Variants in CCDC77 observed in about 807,000 individuals in gnomAD.
CCDC77 encodes the protein coiled-coil domain-containing protein 77.
CCDC77 carries 56 observed loss-of-function variants against 66.8 expected under a neutral mutation model. That is an observed-to-expected ratio of 0.84 (90% confidence interval 0.68 to 1.05). The LOEUF is 1.05. CCDC77 is among the 50% of genes least tolerant of loss of function. CCDC77 has a pLI of 0.00. For missense variants in CCDC77, 570 were observed against 576.8 expected, an observed-to-expected ratio of 0.99 and a Z score of 0.12; for synonymous variants, 196 against 195.2, an observed-to-expected ratio of 1.00 and a Z score of -0.03.
At chr12:396,578 C>T (rs1944830954) in intron 1 of CCDC77, among the ~76,000 whole-genome samples, 1 of 152,150 alleles carries the variant, frequency 6.6e-6, no homozygotes, top group Non-Finnish European at 1.5e-5. Flanking sequence ...AATTGCCTGG[C>T]ACCAATCCCT....
intron 2 of CCDC77, among the ~76,000 whole-genome samples, chr12:408,683 G>A (rs962951133): frequency 4.6e-5 from 7 of 152,064 alleles, no homozygotes; most frequent in African/African-American, 1.7e-4. Flanking sequence ...ACTGTTTCTT[G>A]CTTATTAGAG....
intron 9 of CCDC77, among the ~76,000 whole-genome samples, chr12:437,405 A>G (rs1727418326): frequency 6.6e-6 from 1 of 152,228 alleles, no homozygotes; most frequent in Admixed American, 6.5e-5. Flanking sequence ...GAAAAAGTGC[A>G]TGTTGACAGT....
At chr12:433,678 T>G (rs182390194) in intron 9 of CCDC77, among the ~76,000 whole-genome samples, 14 of 152,132 alleles carry the variant, frequency 9.2e-5, no homozygotes, top group Admixed American at 2.0e-4. Flanking sequence ...TGTTCTTTTA[T>G]CCACTGATAT....
In CCDC77 at chr12:428,855, C is replaced by T. The variant is rs1313543324; in HGVS notation, c.500C>T (p.Pro167Leu). The T allele has an allele frequency of 6.2e-7, 1 of 1,606,138 alleles. No individual in the cohort carries two copies. The highest frequency in any genetic ancestry group is 1.7e-5 in the Admixed American group (1 of 59,704). Residue 167 changes from proline (P) to leucine (L), a missense_variant, in exon 6 of 13, where the codon CCT (proline) becomes CTT (leucine). Physicochemically the swap from Pro to Leu is moderately conservative, Grantham distance 98. Transcript: ENST00000239830. ...GAAGTGACCTATTTTTGTAAGGAGCCTCCTCACAAAGTAAGTAATCTTTGG... is the reference window on the plus strand; with the variant it reads ...GAAGTGACCTATTTTTGTAAGGAGCTTCCTCACAAAGTAAGTAATCTTTGG... ...AGEVTYFCKE[P>L]PHKVTILQKT...
At chr12:430,348 G>A (rs1945628472) in intron 6 of CCDC77, among the ~76,000 whole-genome samples, 1 of 151,936 alleles carries the variant, frequency 6.6e-6, no homozygotes, top group Non-Finnish European at 1.5e-5. Context: ...TTGGAGTGCA[G>A]TGGAGTGATC....
chr12:429,674 G>A (rs879496015), intron 6 of CCDC77, among the ~76,000 whole-genome samples: 7 of 151,998 alleles, frequency 4.6e-5, no homozygotes, highest in South Asian at 4.1e-4. Context: ...GCCCAGGCTG[G>A]TCTCGAACTC....
At chr12:434,017 T>C (rs1945700790) in intron 9 of CCDC77, among the ~76,000 whole-genome samples, 1 of 152,146 alleles carries the variant, frequency 6.6e-6, no homozygotes, top group African/African-American at 2.4e-5. Context: ...CTCAAGCCCA[T>C]AAAATTGGAT....
chr12:398,443 C>CT (rs35850472), upstream of CCDC77, among the ~76,000 whole-genome samples: 237 of 145,980 alleles, frequency 1.6e-3, no homozygotes, highest in African/African-American at 4.9e-3. Context: ...TCAGGTTCCA[C>CT]TTTTTTTTTT....
chr12:407,805 T>TTTTTTTTA, intron 2 of CCDC77, among the ~76,000 whole-genome samples: 1 of 149,314 alleles, frequency 6.7e-6, no homozygotes, highest in South Asian at 2.2e-4. Flanking sequence ...TTTTTTTTTT[T>TTTTTTTTA]GAGACGGAGT....
At position 440,746 on chromosome 12, in the gene CCDC77, C is replaced by A. The variant is rs377419296; in HGVS notation, c.1167+4C>A. Reference sequence around the variant, plus strand: ...AATGAGGAGAGAGATCTTCAAGGTACGAAATTATCTGCCACTTGTAATGGA... The same window carrying A: ...AATGAGGAGAGAGATCTTCAAGGTAAGAAATTATCTGCCACTTGTAATGGA... On this transcript the variant is annotated splice_donor_region_variant and intron_variant, in intron 11 of 12. Transcript: ENST00000239830. 4 of 1,613,888 alleles carry A rather than the reference C, an allele frequency of 2.5e-6. No homozygotes were observed. The South Asian group carries it at 4.4e-5, about 18-fold the overall frequency.
intron 1 of CCDC77, chr12:389,854 ACT>A (rs1046381548): frequency 6.6e-6 from 1 of 152,206 alleles, no homozygotes; most frequent in African/African-American, 2.4e-5. Context: ...CAGTAATCTC[ACT>A]CTGCCACTTT....
At chr12:412,454 A>G (rs538029916) in intron 4 of CCDC77, among the ~76,000 whole-genome samples, 4 of 152,312 alleles carry the variant, frequency 2.6e-5, no homozygotes, top group South Asian at 2.1e-4. Context: ...GTGTTCTCCT[A>G]TAGCAGGATT....
intron 10 of CCDC77, 42 bp from the exon 11 acceptor site, chr12:440,575 G>A (rs1945839119): frequency 1.2e-6 from 2 of 1,606,832 alleles, no homozygotes; most frequent in Non-Finnish European, 1.7e-6. Context: ...TACCTGAATT[G>A]TAGAACTGAG....
chr12:416,567 C>G lies in CCDC77; in HGVS notation c.271-1927C>G, dbSNP rs1945289351. 4.7e-5 allele frequency among the ~76,000 whole-genome samples: 7 copies of G among 150,216 alleles called. No homozygotes were observed. The Admixed American group carries it at 4.7e-4, about 10-fold the overall frequency. ...GTAGCTGGGATTATAGGGTGCGCCA[C>G]CACACTCAGCTGATTTTTGTTTTTT... On this transcript the variant is annotated intron_variant, in intron 4 of 12. Transcript: ENST00000239830.
At chr12:423,477 GTGTTTTTTTTTGTTTTGT>G (rs1565572180) in intron 5 of CCDC77, among the ~76,000 whole-genome samples, 3,292 of 24,950 alleles carry the variant, frequency 0.13, 272 homozygotes, top group African/African-American at 0.29. Context: ...TGTGTTTTTT[GTGTTTTTTTTTGTTTTGT>G]TTTTTTTTTT....
chr12:393,105 A>G (rs1466828062), intron 1 of CCDC77, among the ~76,000 whole-genome samples: 1 of 152,014 alleles, frequency 6.6e-6, no homozygotes, highest in African/African-American at 2.4e-5. Flanking sequence ...AAGGAAGAGC[A>G]TTTTATTTAT....
At position 423,489 on chromosome 12, in the gene CCDC77, GT is replaced by G. The variant is rs1179236405; in HGVS notation, c.413+4857del. Reference sequence around the variant, plus strand: ...TTTTGTGTTTTTTGTGTTTTTTTTTGTTTTGTTTTTTTTTTTTTTTTTTTGA... The same window carrying G: ...TTTTGTGTTTTTTGTGTTTTTTTTTGTTTGTTTTTTTTTTTTTTTTTTTGA... On this transcript the variant is annotated intron_variant, in intron 5 of 12. Transcript: ENST00000239830. 4.9e-3 allele frequency among the ~76,000 whole-genome samples: 159 copies of G among 32,696 alleles called. 4 individuals carry two copies. Among genetic ancestry groups the G allele is most frequent in the Middle Eastern group, 0.028 (1 of 36 alleles). 21.4% of individuals were successfully genotyped at this position (32,696 alleles called of 152,430 possible). A position where few individuals can be genotyped will look rare whatever the true frequency, so the allele number is the denominator to read the frequency against.
chr12:399,980 A>T (rs1944875669), upstream of CCDC77, among the ~76,000 whole-genome samples: 2 of 152,264 alleles, frequency 1.3e-5, no homozygotes, highest in African/African-American at 4.8e-5. Context: ...TGGTTCATAT[A>T]TATCAAAAGT....
At chr12:427,113 CAT>C (rs1945549216) in intron 5 of CCDC77, among the ~76,000 whole-genome samples, 2 of 152,188 alleles carry the variant, frequency 1.3e-5, no homozygotes, top group Admixed American at 6.5e-5. Flanking sequence ...GGCATTGTGG[CAT>C]GCGCCTGTAG....
Sources: gnomAD v4.1 joint callset for allele counts (sites outside exome capture counted in the v4.1 genomes callset) on GRCh38, gnomAD v4.1.1 for gene constraint, MANE v1.5 for transcripts, NCBI Gene and HGNC (gene_info 2026-07-23, HGNC 2026-07-21) for gene names.